HSDL1: variants seen among roughly 807,000 people sequenced by gnomAD.
HSDL1 encodes hydroxysteroid dehydrogenase like 1.
HSDL1 carries 29 observed loss-of-function variants against 31.5 expected under a neutral mutation model. The observed-to-expected ratio is 0.92, with a 90% CI of 0.69 to 1.26. The LOEUF (loss-of-function observed/expected upper bound fraction) is 1.26, where lower values mean the gene tolerates loss of function less well. HSDL1 is among the 50% of genes most tolerant of loss of function. The pLI is 0.00. For synonymous variants in HSDL1, 222 were observed against 155.2 expected (o/e 1.43, Z -3.20); for missense variants, 503 against 416.6 (o/e 1.21, Z -1.81).
chr16:84,135,281 A>G, intron 2 of HSDL1, among the ~76,000 whole-genome samples: 1 of 152,098 alleles, frequency 6.6e-6, no homozygotes, highest in East Asian at 1.9e-4. Context: ...CAGATACTAC[A>G]TATCAAGATC....
intron 5 of HSDL1, among the ~76,000 whole-genome samples, chr16:84,128,641 T>G (rs1478867762): frequency 6.6e-6 from 1 of 152,206 alleles, no homozygotes; most frequent in Non-Finnish European, 1.5e-5. Flanking sequence ...CTAGAATCTT[T>G]TACTTTGAAA....
chr16:84,133,551 G>T (rs1157122138), intron 2 of HSDL1, among the ~76,000 whole-genome samples: 1 of 152,196 alleles, frequency 6.6e-6, no homozygotes, highest in Middle Eastern at 3.2e-3. Flanking sequence ...CCAAGATGGT[G>T]AAACCTCGTC....
chr16:84,127,360 C>T (rs928629089), intron 5 of HSDL1, among the ~76,000 whole-genome samples: 2 of 151,648 alleles, frequency 1.3e-5, no homozygotes, highest in Admixed American at 6.6e-5. Flanking sequence ...GGACTACAGG[C>T]GTGCACCACC....
At chr16:84,127,954 C>T (rs1328967105) in intron 5 of HSDL1, among the ~76,000 whole-genome samples, 2 of 149,740 alleles carry the variant, frequency 1.3e-5, no homozygotes, top group Admixed American at 6.6e-5. Context: ...CTCCTGACCT[C>T]GTGATCCGCC....
rs767777367 is a variant in HSDL1, at chr16:84,130,402, C to T, written c.250G>A (p.Ala84Thr). Residue 84 changes from alanine (A) to threonine (T), a missense_variant, in exon 4 of 6, where the codon GCT (alanine) becomes ACT (threonine). Ala to Thr is a moderately conservative substitution (Grantham distance 58, BLOSUM62 0). Transcript: ENST00000219439. ...AGACCTCGGCTTGCTAACTCTTCAG[C>T]GTAGGCTTTTCCAATCCCATCTGTT... ...GATDGIGKAY[A>T]EELASRGLNI... is the part of the protein sequence containing the mutation. 29 of 1,611,642 alleles carry T rather than the reference C, an allele frequency of 1.8e-5. No individual in the cohort carries two copies. In the Admixed American group the frequency reaches 2.2e-4, roughly 12 times the overall value.
intron 1 of HSDL1, among the ~76,000 whole-genome samples, chr16:84,139,682 T>C (rs2086747287): frequency 6.6e-6 from 1 of 152,084 alleles, no homozygotes; most frequent in African/African-American, 2.4e-5. Context: ...GAACAGTCAG[T>C]TCAGCTTTCA....
chr16:84,130,125 A>T lies in HSDL1; in HGVS notation c.527T>A (p.Val176Glu). Reference sequence around the variant, plus strand: ...CATCAAACTAGCGGCGGCAATGTTCACATTTATGATGTCCCAGAGCTTGTC... The same window carrying T: ...CATCAAACTAGCGGCGGCAATGTTCTCATTTATGATGTCCCAGAGCTTGTC... ...SEDKLWDIINVNIAAASLMVH... is the reference protein window; with the variant it reads ...SEDKLWDIINENIAAASLMVH... The change falls in exon 4 of 6, where the codon GTG becomes GAG. Residue 176 changes from valine to glutamate, a missense_variant. Val to Glu is a moderately radical substitution (Grantham distance 121). Coordinates refer to ENST00000219439, the MANE Select transcript of HSDL1 (RefSeq NM_031463.5). 6.2e-7 allele frequency: 1 copy of T among 1,614,192 alleles called. No individual in the cohort carries two copies. The highest frequency in any genetic ancestry group is 8.5e-7 in the Non-Finnish European group (1 of 1,180,038).
Position 84,131,340 on chromosome 16 carries a change from G to C in HSDL1, c.-6-13C>G. 6.4e-7 allele frequency: 1 copy of C among 1,570,134 alleles called. No individual in the cohort carries two copies. Among genetic ancestry groups the C allele is most frequent in the South Asian group, 1.1e-5 (1 of 90,096 alleles). ...CAGCCATGGCAACCTGCAGGGAGAG[G>C]GAAAGAGAGAGAGCCTCTTTGATTA... On this transcript the variant is annotated splice_polypyrimidine_tract_variant and intron_variant, in intron 2 of 5. Coordinates refer to ENST00000219439, the MANE Select transcript of HSDL1 (RefSeq NM_031463.5).
chr16:84,129,121 G>A (rs942748704), intron 5 of HSDL1, among the ~76,000 whole-genome samples: 4 of 152,048 alleles, frequency 2.6e-5, no homozygotes, highest in Admixed American at 6.6e-5. Context: ...GGTGGCTCAC[G>A]CCTGTAATCT....
In HSDL1 at chr16:84,130,136, G is replaced by A; in HGVS notation, c.516C>T (p.Asp172=). Residue 172 remains aspartate (D), a synonymous_variant, in exon 4 of 6, where the codon GAC becomes GAT. Transcript: ENST00000219439. The stretch of plus-strand genomic sequence containing the variant: ...CGGCGGCAATGTTCACATTTATGAT[G>A]TCCCAGAGCTTGTCCTCGGACAGCT... ...FTQLSEDKLW[D]IINVNIAAAS... is the part of the protein sequence containing the mutation. 3.7e-6 allele frequency: 6 copies of A among 1,614,168 alleles called. No individual in the cohort carries two copies. The highest frequency in any genetic ancestry group is 3.3e-5 in the South Asian group (3 of 91,082).
At chr16:84,127,862 G>T (rs1334075285) in intron 5 of HSDL1, among the ~76,000 whole-genome samples, 1 of 150,532 alleles carries the variant, frequency 6.6e-6, no homozygotes, top group East Asian at 2.0e-4. Flanking sequence ...GGGACTACAG[G>T]CGCCCACCAC....
At chr16:84,143,509 G>A (rs1338466973) in intron 1 of HSDL1, among the ~76,000 whole-genome samples, 2 of 152,100 alleles carry the variant, frequency 1.3e-5, no homozygotes, top group Non-Finnish European at 2.9e-5. Flanking sequence ...TAAATGTTCT[G>A]GAATTAGTTA....
At chr16:84,132,216 T>G (rs1459799334) in intron 2 of HSDL1, among the ~76,000 whole-genome samples, 1 of 152,226 alleles carries the variant, frequency 6.6e-6, no homozygotes, top group Non-Finnish European at 1.5e-5. Flanking sequence ...GGTACATGTA[T>G]TTCTTTGCTT....
At chr16:84,140,984 G>C (rs199643583) in intron 1 of HSDL1, among the ~76,000 whole-genome samples, 55 of 151,214 alleles carry the variant, frequency 3.6e-4, no homozygotes, top group Non-Finnish European at 1.2e-4. Flanking sequence ...CCAGCTACTC[G>C]GGAGGCTGAG....
Position 84,139,726 on chromosome 16 carries a change from C to A in HSDL1, c.-68-4121G>T, listed in dbSNP as rs568831482. Among the ~76,000 whole-genome samples the A allele has an allele frequency of 1.8e-4, 28 of 152,220 alleles. No individual in the cohort carries two copies. In the South Asian group the frequency reaches 5.8e-3, roughly 32 times the overall value. ...AAGAGACAAGCTGAAAACTCTGCAA[C>A]CTCCCTTAAGCCAAAACCACTATGT... On this transcript the variant is annotated intron_variant, in intron 1 of 5. Coordinates refer to ENST00000219439, the MANE Select transcript of HSDL1 (RefSeq NM_031463.5).
rs953764515 is a variant in HSDL1 at position 84,122,161 on chromosome 16, C to T, written c.*2469G>A. On this transcript the variant is annotated 3_prime_UTR_variant, in exon 6 of 6. Coordinates refer to ENST00000219439, the MANE Select transcript of HSDL1 (RefSeq NM_031463.5). ...AACAATTTTGTTACTGACGTGTCAG[C>T]TTTTAATCAGTTATGACCACTGTTG... 1 of 152,588 alleles carries T rather than the reference C, an allele frequency of 6.6e-6. No individual in the cohort carries two copies. Among genetic ancestry groups the T allele is most frequent in the Non-Finnish European group, 1.5e-5 (1 of 68,034 alleles). 9.5% of individuals were successfully genotyped at this position (152,588 alleles called of 1,614,324 possible).
chr16:84,132,272 CA>C (rs1247815847), intron 2 of HSDL1, among the ~76,000 whole-genome samples: 1 of 151,982 alleles, frequency 6.6e-6, no homozygotes, highest in African/African-American at 2.4e-5. Flanking sequence ...TGTGTAGGGA[CA>C]AAGGAGATGA....
chr16:84,123,625 T>C lies in HSDL1; in HGVS notation c.*1005A>G, dbSNP rs2086575417. The C allele has an allele frequency of 6.6e-6, 1 of 152,626 alleles. No individual in the cohort carries two copies. Among genetic ancestry groups the C allele is most frequent in the African/African-American group, 2.4e-5 (1 of 41,452 alleles). 9.5% of individuals were successfully genotyped at this position (152,626 alleles called of 1,614,324 possible). On this transcript the variant is annotated 3_prime_UTR_variant, in exon 6 of 6. Transcript: ENST00000219439. ...GTCACACACGTAATTTGTCCATATTTTACTATTCCATAAATACTTACTATT... is the reference window on the plus strand; with the variant it reads ...GTCACACACGTAATTTGTCCATATTCTACTATTCCATAAATACTTACTATT...
chr16:84,142,623 T>C (rs1268196968), intron 1 of HSDL1, among the ~76,000 whole-genome samples: 2 of 151,820 alleles, frequency 1.3e-5, no homozygotes, highest in Non-Finnish European at 2.9e-5. Flanking sequence ...TTTTTCTTTT[T>C]TAGTAGAGAC....
Sources: gnomAD v4.1 joint callset for allele counts (sites outside exome capture counted in the v4.1 genomes callset) on GRCh38, gnomAD v4.1.1 for gene constraint, MANE v1.5 for transcripts, NCBI Gene and HGNC (gene_info 2026-07-23, HGNC 2026-07-21) for gene names.